Variants in TRAK1 observed in about 807,000 individuals in gnomAD.
TRAK1 encodes the protein trafficking kinesin protein 1, also known as trafficking kinesin-binding protein 1.
Under a neutral mutation model 92.1 loss-of-function variants are expected in TRAK1, and 33 were observed. The observed-to-expected ratio is 0.36, with a 90% confidence interval of 0.27 to 0.48. TRAK1 has a LOEUF of 0.48. TRAK1 is among the 20% of genes least tolerant of loss of function. The pLI, the probability that TRAK1 is intolerant of heterozygous loss-of-function variation, is 0.99. For missense variants in TRAK1, 1,123 were observed against 1,257.9 expected, an observed-to-expected ratio of 0.89 and a Z score of 1.62; for synonymous variants, 521 against 517.3, an observed-to-expected ratio of 1.01 and a Z score of -0.10.
intron 15 of TRAK1, chr3:42,220,632 G>A: frequency 1.0e-6 from 1 of 983,580 alleles, no homozygotes; most frequent in Non-Finnish European, 1.2e-6. Flanking sequence ...GCAGGGCCCT[G>A]TGGAAGGAGC....
At chr3:42,145,612 A>G (rs1249000407) in intron 2 of TRAK1, 1 of 152,828 alleles carries the variant, frequency 6.5e-6, no homozygotes, top group Non-Finnish European at 1.5e-5. Flanking sequence ...ACTCAAAAAC[A>G]TGTTGATGTT....
intron 1 of TRAK1, among the ~76,000 whole-genome samples, chr3:42,026,052 GTC>G (rs1559706101): frequency 6.6e-6 from 1 of 150,706 alleles, no homozygotes; most frequent in African/African-American, 2.5e-5. Context: ...TTCTCCCTCT[GTC>G]TCTTTCTTGC....
intron 7 of TRAK1, 75 bp downstream of exon 7, chr3:42,191,711 C>T (rs1705765668): frequency 1.3e-6 from 2 of 1,495,642 alleles, no homozygotes; most frequent in African/African-American, 1.4e-5. Flanking sequence ...GTCAGCCTTG[C>T]TAAAGTGCAG....
At chr3:42,030,968 CAAAGAGAA>C in intron 1 of TRAK1, among the ~76,000 whole-genome samples, 1 of 150,430 alleles carries the variant, frequency 6.6e-6, no homozygotes, top group East Asian at 2.0e-4. Flanking sequence ...GAACAGAGTA[CAAAGAGAA>C]AACGGAACAA....
intron 10 of TRAK1, among the ~76,000 whole-genome samples, chr3:42,195,490 G>C (rs1706478545): frequency 6.6e-6 from 1 of 152,126 alleles, no homozygotes; most frequent in Non-Finnish European, 1.5e-5. Context: ...AGATAGGAGC[G>C]GATGGCTGCG....
intron 14 of TRAK1, chr3:42,218,451 G>GGGGTT: frequency 1.0e-6 from 1 of 984,238 alleles, no homozygotes; most frequent in Non-Finnish European, 1.2e-6. Flanking sequence ...AGGGTGGGGT[G>GGGGTT]GGGTTGGGTG....
chr3:42,144,331 T>C (rs933975288), intron 2 of TRAK1, among the ~76,000 whole-genome samples: 7 of 152,160 alleles, frequency 4.6e-5, no homozygotes, highest in Non-Finnish European at 7.4e-5. Context: ...GCAAACTCTC[T>C]TTGTCCCAGG....
At chr3:42,113,560 T>A (rs1274068518) in intron 1 of TRAK1, among the ~76,000 whole-genome samples, 1 of 152,060 alleles carries the variant, frequency 6.6e-6, no homozygotes, top group African/African-American at 2.4e-5. Context: ...ACTACAGGTG[T>A]GTGCCATCAC....
intron 1 of TRAK1, among the ~76,000 whole-genome samples, chr3:42,115,842 C>T (rs1342487798): frequency 1.3e-5 from 2 of 152,122 alleles, no homozygotes; most frequent in Non-Finnish European, 2.9e-5. Context: ...GGGGTGTGAG[C>T]CAGGGTGGAG....
At chr3:42,131,175 T>G (rs765855164) in intron 2 of TRAK1, among the ~76,000 whole-genome samples, 3 of 152,098 alleles carry the variant, frequency 2.0e-5, no homozygotes, top group Non-Finnish European at 4.4e-5. Flanking sequence ...GGAATCCCTC[T>G]ACCTCCACCA....
chr3:42,078,773 G>T (rs1029779602), intron 1 of TRAK1, among the ~76,000 whole-genome samples: 1 of 140,608 alleles, frequency 7.1e-6, no homozygotes, highest in Non-Finnish European at 1.5e-5. Flanking sequence ...AAAAAAAAAA[G>T]AAAGAAAGAA....
chr3:42,020,672 CA>C (rs2148879571), intron 1 of TRAK1, among the ~76,000 whole-genome samples: 1 of 152,276 alleles, frequency 6.6e-6, no homozygotes, highest in African/African-American at 2.4e-5. Context: ...GGTCATAAGA[CA>C]TATGTTCAGC....
At chr3:42,126,393 C>G (rs1710563844) in intron 2 of TRAK1, among the ~76,000 whole-genome samples, 1 of 151,998 alleles carries the variant, frequency 6.6e-6, no homozygotes, top group Admixed American at 6.6e-5. Flanking sequence ...CAGCAGCAAA[C>G]CAGTCATTCT....
rs1703944085 is a variant in TRAK1, at chr3:42,071,793, A to G, written c.-518-15311A>G. ...TGCCATTCAGAGTGATGACACATGC[A>G]ATGTGGGCTGCAGGCCATCCTGCTT... On this transcript the variant is annotated intron_variant, in intron 1 of 16. Coordinates refer to the TRAK1 transcript ENST00000487159. Among the ~76,000 whole-genome samples, 2 of 150,630 alleles carry G rather than the reference A, an allele frequency of 1.3e-5. 1 individual carries two copies. Among genetic ancestry groups the G allele is most frequent in the African/African-American group, 4.9e-5 (2 of 40,862 alleles).
Position 42,198,053 on chromosome 3 carries a change from C to T in TRAK1, c.1114-1124C>T, listed in dbSNP as rs962670594. On this transcript the variant is annotated intron_variant, in intron 10 of 15. Coordinates refer to ENST00000327628, the MANE Select transcript of TRAK1 (RefSeq NM_001042646.3). ...AGCACAGAGGATGCGTCCATCATCA[C>T]AGGTTGTTCTGTTGTTTAACATGAA... Among the ~76,000 whole-genome samples, 5 of 152,366 alleles carry T rather than the reference C, an allele frequency of 3.3e-5. No individual in the cohort carries two copies. The East Asian group carries it at 7.7e-4, about 23-fold the overall frequency.
At chr3:42,181,531 G>A (rs1182722303) in intron 3 of TRAK1, among the ~76,000 whole-genome samples, 8 of 152,182 alleles carry the variant, frequency 5.3e-5, no homozygotes, top group Admixed American at 3.3e-4. Context: ...GCGACAGATC[G>A]AGACTCCATA....
chr3:42,181,365 G>GA (rs1703978702), intron 3 of TRAK1, among the ~76,000 whole-genome samples: 1 of 152,182 alleles, frequency 6.6e-6, no homozygotes, highest in African/African-American at 2.4e-5. Flanking sequence ...CCTACATGGT[G>GA]AAACGCCATT....
Position 42,202,708 on chromosome 3 carries a change from G to A in TRAK1, c.1700G>A (p.Arg567His), listed in dbSNP as rs767772921. 5 of 1,613,868 alleles carry A rather than the reference G, an allele frequency of 3.1e-6. No homozygotes were observed. The highest frequency in any genetic ancestry group is 1.1e-5 in the South Asian group (1 of 91,068). The change falls in exon 13 of 16, where the codon CGC (arginine) becomes CAC (histidine). Residue 567 changes from arginine (R) to histidine (H), a missense_variant. Coordinates refer to ENST00000327628, the MANE Select transcript of TRAK1 (RefSeq NM_001042646.3). This position sits in a 1 kb window ranked among gnomAD's most constrained non-coding sequence, Gnocchi z 6.1. Reference protein sequence around the residue: ...TGFSGMSFSSRSYLPEKLQIV... With the variant: ...TGFSGMSFSSHSYLPEKLQIV... Reference sequence around the variant, plus strand: ...TTCTCTGGCATGTCCTTCAGCAGCCGCTCCTACCTGCCTGAGAAGCTCCAG... The same window carrying A: ...TTCTCTGGCATGTCCTTCAGCAGCCACTCCTACCTGCCTGAGAAGCTCCAG...
chr3:42,192,272 C>G (rs551644721), intron 7 of TRAK1, among the ~76,000 whole-genome samples: 4 of 152,160 alleles, frequency 2.6e-5, no homozygotes, highest in Non-Finnish European at 5.9e-5. Context: ...TGTGGCAGAA[C>G]AGCTTACTAC....
Sources: allele counts gnomAD v4.1 joint callset (sites outside exome capture counted in the v4.1 genomes callset), GRCh38; gene constraint gnomAD v4.1.1; non-coding constraint Gnocchi (gnomAD v3.1); transcripts MANE v1.5; gene names NCBI Gene and HGNC (gene_info 2026-07-23, HGNC 2026-07-21).